SPHKAP: variants seen among roughly 807,000 people sequenced by gnomAD.
SPHKAP encodes A-kinase anchor protein SPHKAP.
SPHKAP carries 67 observed loss-of-function variants against 137.5 expected under a neutral mutation model. That is an observed-to-expected ratio of 0.49 (90% CI 0.40 to 0.60). The LOEUF is 0.60. Ranked by LOEUF, SPHKAP falls within the 20% of genes least tolerant of loss-of-function variation. SPHKAP has a pLI of 0.00. For synonymous variants in SPHKAP, 813 were observed against 785.3 expected, an observed-to-expected ratio of 1.04 and a Z score of -0.59; for missense variants, 2,097 against 2,069.3, an observed-to-expected ratio of 1.01 and a Z score of -0.26.
At chr2:228,009,382 T>A (rs528950756) in intron 7 of SPHKAP, among the ~76,000 whole-genome samples, 19 of 152,228 alleles carry the variant, frequency 1.2e-4, no homozygotes, top group Non-Finnish European at 2.4e-4. Context: ...GTTATATTTC[T>A]TAATTTGTGA....
intron 1 of SPHKAP, among the ~76,000 whole-genome samples, chr2:228,158,326 C>CTTT (rs55897294): frequency 0.23 from 30,403 of 132,804 alleles, 4,379 homozygotes; most frequent in East Asian, 0.47. Context: ...TTACTTCTTT[C>CTTT]TTTTTTTTTT....
chr2:227,999,228 G>T (rs575599970), intron 7 of SPHKAP, among the ~76,000 whole-genome samples: 3 of 152,226 alleles, frequency 2.0e-5, no homozygotes, highest in African/African-American at 7.2e-5. Context: ...ATTGAGGTGT[G>T]GTTATTTCCA....
chr2:228,071,419 A>G (rs1697001922), intron 3 of SPHKAP, among the ~76,000 whole-genome samples: 1 of 152,148 alleles, frequency 6.6e-6, no homozygotes, highest in Admixed American at 6.6e-5. Context: ...TTATCTTGAC[A>G]TTTTTTAAGC....
Position 228,017,897 on chromosome 2 carries a change from T to C in SPHKAP, c.2957A>G (p.Gln986Arg), listed in dbSNP as rs1272623648. ...CRSLKRKKES[Q>R]GSGTAVRKHK... ...TTTCCTCACAGCGGTCCCGCTCCCC[T>C]GGCTCTCTTTCTTCCTCTTCAAGGA... Residue 986 changes from glutamine to arginine, a missense_variant, in exon 7 of 12, where the codon CAG (glutamine) becomes CGG (arginine). Coordinates refer to ENST00000392056, the MANE Select transcript of SPHKAP (RefSeq NM_001142644.2). 5.6e-6 allele frequency: 9 copies of C among 1,614,166 alleles called. No individual in the cohort carries two copies. Among genetic ancestry groups the C allele is most frequent in the Non-Finnish European group, 6.8e-6 (8 of 1,180,022 alleles).
chr2:228,044,523 G>A (rs1429328457), intron 3 of SPHKAP, among the ~76,000 whole-genome samples: 1 of 152,146 alleles, frequency 6.6e-6, no homozygotes, highest in Non-Finnish European at 1.5e-5. Flanking sequence ...GGATGCTTTA[G>A]GAACTCATTA....
chr2:228,153,056 G>C (rs1699985924), intron 1 of SPHKAP, among the ~76,000 whole-genome samples: 1 of 152,050 alleles, frequency 6.6e-6, no homozygotes, highest in South Asian at 2.1e-4. Context: ...TCTCTTGTCT[G>C]CTGCCATGTA....
chr2:228,173,220 A>C (rs1265319382), intron 1 of SPHKAP, among the ~76,000 whole-genome samples: 1 of 152,238 alleles, frequency 6.6e-6, no homozygotes, highest in African/African-American at 2.4e-5. Context: ...GAAACAAGAA[A>C]GAAATTAGTC....
intron 1 of SPHKAP, among the ~76,000 whole-genome samples, chr2:228,159,072 T>C (rs1409470248): frequency 1.3e-5 from 2 of 152,110 alleles, no homozygotes; most frequent in East Asian, 3.9e-4. Context: ...GGAGTCAGGG[T>C]TCCAGTCTGG....
chr2:227,999,456 T>A (rs187510830), intron 7 of SPHKAP, among the ~76,000 whole-genome samples: 1 of 152,160 alleles, frequency 6.6e-6, no homozygotes, highest in East Asian at 1.9e-4. Context: ...AAGAACCAGA[T>A]ACAAAGGAGA....
intron 3 of SPHKAP, among the ~76,000 whole-genome samples, chr2:228,096,999 T>A (rs977089073): frequency 6.6e-6 from 1 of 152,186 alleles, no homozygotes; most frequent in African/African-American, 2.4e-5. Context: ...TTTTAAGCTA[T>A]CACTTCTAAC....
chr2:228,031,659 T>TGAGACAAAACTTC (rs1559357791), intron 3 of SPHKAP, among the ~76,000 whole-genome samples: 1 of 152,144 alleles, frequency 6.6e-6, no homozygotes. Context: ...GATACTCCTC[T>TGAGACAAAACTTC]GAGACAAAAC....
intron 1 of SPHKAP, among the ~76,000 whole-genome samples, chr2:228,167,683 C>T (rs1482970646): frequency 2.6e-5 from 4 of 152,158 alleles, no homozygotes; most frequent in East Asian, 1.9e-4. Context: ...TAAGTCTATT[C>T]GTATACGCAG....
intron 3 of SPHKAP, among the ~76,000 whole-genome samples, chr2:228,043,647 T>C (rs559848454): frequency 2.3e-4 from 35 of 152,300 alleles, no homozygotes; most frequent in African/African-American, 7.9e-4. Context: ...TTTTCATTGA[T>C]GTTAAAAAGC....
intron 3 of SPHKAP, among the ~76,000 whole-genome samples, chr2:228,097,458 C>T (rs986515974): frequency 2.6e-5 from 4 of 152,158 alleles, no homozygotes; most frequent in Non-Finnish European, 4.4e-5. Context: ...AGATTATTGA[C>T]TGAGCACTTC....
rs1157412392 is a variant in SPHKAP, at chr2:228,181,110, C to A, written c.32+457G>T. ...GGGTGAGGGACAATCTTCCCCACCCCAGCAGCCCCAGACACCCGCCCAGGT... is the reference window on the plus strand; with the variant it reads ...GGGTGAGGGACAATCTTCCCCACCCAAGCAGCCCCAGACACCCGCCCAGGT... On this transcript the variant is annotated intron_variant, in intron 1 of 11. Transcript: ENST00000392056. This position sits in a 1 kb window ranked among gnomAD's most constrained non-coding sequence, Gnocchi z 4.3. Among the ~76,000 whole-genome samples the A allele has an allele frequency of 1.3e-5, 2 of 152,086 alleles. No homozygotes were observed. Among genetic ancestry groups the A allele is most frequent in the African/African-American group, 4.8e-5 (2 of 41,426 alleles).
intron 11 of SPHKAP, among the ~76,000 whole-genome samples, chr2:227,982,557 C>G (rs910481684): frequency 3.9e-5 from 6 of 152,192 alleles, no homozygotes; most frequent in African/African-American, 1.4e-4. Flanking sequence ...ATAAGTCATT[C>G]TCTTCATGGA....
intron 7 of SPHKAP, among the ~76,000 whole-genome samples, chr2:228,006,310 C>T: frequency 6.6e-6 from 1 of 152,112 alleles, no homozygotes; most frequent in South Asian, 2.1e-4. Flanking sequence ...TCACTGATAC[C>T]CTTTCTTCCA....
intron 2 of SPHKAP, among the ~76,000 whole-genome samples, chr2:228,114,735 T>C (rs749986288): frequency 6.6e-6 from 1 of 152,134 alleles, no homozygotes; most frequent in East Asian, 1.9e-4. Flanking sequence ...TGACAATTCC[T>C]CTTCTTTTAT....
chr2:228,091,575 A>G lies in SPHKAP; in HGVS notation c.246+17257T>C, dbSNP rs530347867. ...GAACTCAAACAAAATTAGCAAGAAA[A>G]AAGCAAACAATCCCATTGAAAAGTG... On this transcript the variant is annotated intron_variant, in intron 3 of 11. Transcript: ENST00000392056. 7.6e-4 allele frequency among the ~76,000 whole-genome samples: 116 copies of G among 152,308 alleles called. 1 individual carries two copies. The highest frequency in any genetic ancestry group is 5.0e-3 in the South Asian group (24 of 4,830).
Sources: gnomAD v4.1 joint callset for allele counts (sites outside exome capture counted in the v4.1 genomes callset) on GRCh38, gnomAD v4.1.1 for gene constraint, Gnocchi (gnomAD v3.1) non-coding constraint, MANE v1.5 for transcripts, NCBI Gene and HGNC (gene_info 2026-07-23, HGNC 2026-07-21) for gene names.